TSC22D1: variants seen among roughly 807,000 people sequenced by gnomAD.
TSC22D1 encodes the protein TSC22 domain family member 1, also known as TSC22 domain family protein 1.
Under a neutral mutation model 74.2 loss-of-function variants are expected in TSC22D1, and 9 were observed. The ratio of observed to expected loss-of-function variants is 0.12; its 90% CI spans 0.07 to 0.21. The LOEUF (loss-of-function observed/expected upper bound fraction) is 0.21. Among genes scored for constraint, TSC22D1 ranks in the 10% least tolerant of loss-of-function variants. The pLI, the probability that TSC22D1 is intolerant of heterozygous loss-of-function variation, is 1.00. For synonymous variants in TSC22D1, 586 were observed against 492.5 expected, an observed-to-expected ratio of 1.19 and a Z score of -2.51; for missense variants, 1,427 against 1,304.7, an observed-to-expected ratio of 1.09 and a Z score of -1.44.
intron 1 of TSC22D1, among the ~76,000 whole-genome samples, chr13:44,526,210 T>C (rs558305907): frequency 6.6e-6 from 1 of 152,286 alleles, no homozygotes; most frequent in South Asian, 2.1e-4. Flanking sequence ...GATTCAGATA[T>C]GGCAGATATT....
Position 44,574,843 on chromosome 13 carries a change from T to C in TSC22D1, c.1232A>G (p.Lys411Arg). 6.2e-7 allele frequency: 1 copy of C among 1,614,154 alleles called. No individual in the cohort carries two copies. The highest frequency in any genetic ancestry group is 8.5e-7 in the Non-Finnish European group (1 of 1,180,036). ...AAAGGGCTCAGAACTAGAATCTAAC[T>C]TCACAACTCTGAACCTCGAAGTGTT... ...TVNTSRFRVV[K>R]LDSSSEPFKK... Residue 411 changes from lysine to arginine, a missense_variant, in exon 1 of 3, where the codon AAG (lysine) becomes AGG (arginine). Lys to Arg is a conservative substitution (Grantham distance 26). Transcript: ENST00000458659.
At chr13:44,515,436 G>GA (rs1202246336) in intron 1 of TSC22D1, among the ~76,000 whole-genome samples, 1 of 151,016 alleles carries the variant, frequency 6.6e-6, no homozygotes, top group East Asian at 1.9e-4. Context: ...AATTTTAAGT[G>GA]AAAAAAATCT....
rs1180265451 is a variant in TSC22D1 at position 44,432,414 on chromosome 13, C to A, written c.*2212G>T. 1 of 152,210 alleles carries A rather than the reference C, an allele frequency of 6.6e-6. No homozygotes were observed. Among genetic ancestry groups the A allele is most frequent in the Non-Finnish European group, 1.5e-5 (1 of 68,034 alleles). 9.4% of individuals were successfully genotyped at this position (152,210 alleles called of 1,614,324 possible). A position where few individuals can be genotyped will look rare whatever the true frequency, so the allele number is the denominator to read the frequency against. ...TAGTTTTTTCAAGGAAATGTAATTA[C>A]TACGTAAGTATTCCTTTATTAAATT... On this transcript the variant is annotated 3_prime_UTR_variant, in exon 3 of 3. Coordinates refer to ENST00000458659, the MANE Select transcript of TSC22D1 (RefSeq NM_183422.4).
intron 1 of TSC22D1, among the ~76,000 whole-genome samples, chr13:44,438,870 G>A (rs1254086786): frequency 6.6e-6 from 1 of 151,978 alleles, no homozygotes. Flanking sequence ...CTATTTGTAT[G>A]CTAAATTCCA....
chr13:44,474,362 C>T, intron 1 of TSC22D1: 2 of 761,134 alleles, frequency 2.6e-6, no homozygotes, highest in Non-Finnish European at 3.2e-6. Flanking sequence ...TTCCATCTGT[C>T]CCCTAAGGCA....
chr13:44,576,694 G>A (rs562459383), upstream of TSC22D1: 4 of 152,932 alleles, frequency 2.6e-5, no homozygotes, highest in Admixed American at 2.6e-4. Flanking sequence ...GCTGCTCGGT[G>A]AGGAAACGCT....
chr13:44,544,696 C>G (rs1240180355), intron 1 of TSC22D1, among the ~76,000 whole-genome samples: 1 of 152,020 alleles, frequency 6.6e-6, no homozygotes, highest in African/African-American at 2.4e-5. Flanking sequence ...ATTTTTAGAG[C>G]TCAACATCTA....
chr13:44,556,107 A>C (rs184226024), intron 1 of TSC22D1, among the ~76,000 whole-genome samples: 1 of 152,142 alleles, frequency 6.6e-6, no homozygotes, highest in Admixed American at 6.5e-5. Flanking sequence ...ATCTTTTAAG[A>C]TACATCTTTA....
At chr13:44,451,541 G>A (rs1876133575) in intron 1 of TSC22D1, 2 of 152,220 alleles carry the variant, frequency 1.3e-5, no homozygotes, top group South Asian at 2.1e-4. Context: ...TAACTGGAAA[G>A]CGATGGAAAT....
At chr13:44,501,897 TCA>T (rs1293534889) in intron 1 of TSC22D1, among the ~76,000 whole-genome samples, 1 of 152,216 alleles carries the variant, frequency 6.6e-6, no homozygotes, top group East Asian at 1.9e-4. Context: ...AGCCAGTTCT[TCA>T]CACTTAACCT....
intron 1 of TSC22D1, among the ~76,000 whole-genome samples, chr13:44,440,587 C>CAAAAAAAAAAAAAAA: frequency 1.5e-5 from 1 of 68,266 alleles, no homozygotes; most frequent in Non-Finnish European, 2.7e-5. Context: ...GGCTCTGTCT[C>CAAAAAAAAAAAAAAA]AAAAAAAAAA....
intron 1 of TSC22D1, among the ~76,000 whole-genome samples, chr13:44,484,738 T>C (rs1465247689): frequency 1.3e-5 from 2 of 152,202 alleles, no homozygotes; most frequent in African/African-American, 4.8e-5. Context: ...AGTACAGCAG[T>C]ATCATTAGCT....
At chr13:44,438,900 T>A (rs890824524) in intron 1 of TSC22D1, among the ~76,000 whole-genome samples, 1 of 152,166 alleles carries the variant, frequency 6.6e-6, no homozygotes, top group Non-Finnish European at 1.5e-5. Flanking sequence ...TTTAACTGAA[T>A]GCCAACTTCA....
chr13:44,575,982 C>T lies in TSC22D1; in HGVS notation c.93G>A (p.Arg31=), dbSNP rs1884207787. The change falls in exon 1 of 3, where the codon AGG becomes AGA. Residue 31 remains arginine (R), a synonymous_variant. Transcript: ENST00000458659. ...KMAHPAMFPR[R]GSGSGSASAL... ...CAGAGGCGCTGCCACTACCGCTGCC[C>T]CTTCGAGGGAACATTGCCGGGTGCG... is the stretch of plus-strand genomic sequence containing the variant. The T allele has an allele frequency of 1.1e-5, 17 of 1,600,766 alleles. No individual in the cohort carries two copies. The highest frequency in any genetic ancestry group is 1.3e-5 in the African/African-American group (1 of 74,658).
chr13:44,447,013 G>T (rs779336919), intron 1 of TSC22D1, among the ~76,000 whole-genome samples: 7 of 151,982 alleles, frequency 4.6e-5, no homozygotes, highest in African/African-American at 1.7e-4. Flanking sequence ...TTGTGAAAAA[G>T]ATCTTCAGAA....
In TSC22D1 at chr13:44,437,124, A is replaced by G. The variant is rs1292234491; in HGVS notation, c.2913-1029T>C. The G allele has an allele frequency of 4.1e-6, 4 of 984,956 alleles. No individual in the cohort carries two copies. The East Asian group carries it at 4.5e-4, about 112-fold the overall frequency. 61.0% of individuals were successfully genotyped at this position (984,956 alleles called of 1,614,324 possible). A position where few individuals can be genotyped will look rare whatever the true frequency, so the allele number is the denominator to read the frequency against. On this transcript the variant is annotated intron_variant, in intron 1 of 2. Transcript: ENST00000458659. Reference sequence around the variant, plus strand: ...AAACACTGGGCCATTGCTTCGGCAGAAAATGTGAAGGGTCCCTGAAAAATA... The same window carrying G: ...AAACACTGGGCCATTGCTTCGGCAGGAAATGTGAAGGGTCCCTGAAAAATA...
chr13:44,485,204 G>GC (rs892412866), intron 1 of TSC22D1, among the ~76,000 whole-genome samples: 2 of 152,010 alleles, frequency 1.3e-5, no homozygotes, highest in African/African-American at 4.8e-5. Context: ...AATGCATGCT[G>GC]CCCCCCATCA....
chr13:44,432,257 A>G lies in TSC22D1; in HGVS notation c.*2369T>C, dbSNP rs1216163457. The G allele has an allele frequency of 6.6e-6, 1 of 152,164 alleles. No homozygotes were observed. Among genetic ancestry groups the G allele is most frequent in the African/African-American group, 2.4e-5 (1 of 41,440 alleles). The allele number at this position is 152,164 out of a possible 1,614,324, so 9.4% of individuals were successfully genotyped here. A position where few individuals can be genotyped will look rare whatever the true frequency, so the allele number is the denominator to read the frequency against. On this transcript the variant is annotated 3_prime_UTR_variant, in exon 3 of 3. Coordinates refer to ENST00000458659, the MANE Select transcript of TSC22D1 (RefSeq NM_183422.4). The stretch of plus-strand genomic sequence containing the variant: ...CCCAAAGTTCCATTAAATAATGGAG[A>G]AAAAAACTTCTCCACCATCTTAATA...
chr13:44,488,432 C>G (rs1194205121), intron 1 of TSC22D1, among the ~76,000 whole-genome samples: 1 of 152,182 alleles, frequency 6.6e-6, no homozygotes, highest in Non-Finnish European at 1.5e-5. Flanking sequence ...TTAAAACTAA[C>G]TTCACCTGTT....
Sources: allele counts gnomAD v4.1 joint callset (sites outside exome capture counted in the v4.1 genomes callset), GRCh38; gene constraint gnomAD v4.1.1; transcripts MANE v1.5; gene names NCBI Gene and HGNC (gene_info 2026-07-23, HGNC 2026-07-21).